Variants in GRIK2 observed in about 807,000 individuals in gnomAD.
GRIK2 encodes glutamate ionotropic receptor kainate type subunit 2, also known as glutamate receptor ionotropic, kainate 2.
In GRIK2, 32 loss-of-function variants were observed where a neutral mutation model predicts 100.3. The ratio of observed to expected loss-of-function variants is 0.32; its 90% confidence interval spans 0.24 to 0.43. GRIK2 has a LOEUF of 0.43. GRIK2 is among the 20% of genes least tolerant of loss of function. GRIK2 has a pLI of 1.00. For synonymous variants in GRIK2, 417 were observed against 389.4 expected, an observed-to-expected ratio of 1.07 and a Z score of -0.83; for missense variants, 843 against 1,114.9, an observed-to-expected ratio of 0.76 and a Z score of 3.47.
chr6:101,794,293 C>G (rs1358839727), intron 7 of GRIK2, among the ~76,000 whole-genome samples: 1 of 152,160 alleles, frequency 6.6e-6, no homozygotes, highest in Non-Finnish European at 1.5e-5. Context: ...AATCACCCCT[C>G]TTCTGCGTCG....
At chr6:101,939,261 C>T (rs1790806571) in intron 14 of GRIK2, among the ~76,000 whole-genome samples, 1 of 151,902 alleles carries the variant, frequency 6.6e-6, no homozygotes, top group Non-Finnish European at 1.5e-5. Context: ...TTTAATTTCT[C>T]TGGGTTTCTG....
chr6:101,547,199 C>G (rs1245860005), intron 2 of GRIK2, among the ~76,000 whole-genome samples: 1 of 152,150 alleles, frequency 6.6e-6, no homozygotes, highest in Admixed American at 6.5e-5. Context: ...AGTATTTCCC[C>G]TCTTTCTCCT....
intron 2 of GRIK2, among the ~76,000 whole-genome samples, chr6:101,592,196 A>G (rs982252086): frequency 1.9e-4 from 29 of 152,094 alleles, no homozygotes; most frequent in African/African-American, 6.0e-4. Context: ...TTCTTTATAA[A>G]TTACCATGCC....
intron 4 of GRIK2, among the ~76,000 whole-genome samples, chr6:101,630,372 T>C (rs1694240563): frequency 6.6e-6 from 1 of 152,110 alleles, no homozygotes; most frequent in South Asian, 2.1e-4. Context: ...CTCACCAACA[T>C]TTATTGTTTT....
chr6:101,742,801 G>A (rs1359267083), intron 7 of GRIK2, among the ~76,000 whole-genome samples: 1 of 152,124 alleles, frequency 6.6e-6, no homozygotes, highest in Non-Finnish European at 1.5e-5. Flanking sequence ...GCTGTAAAAT[G>A]TTTTTTATCA....
intron 10 of GRIK2, among the ~76,000 whole-genome samples, chr6:101,858,386 C>CTTTTTTTTTT (rs780526806): frequency 3.3e-5 from 3 of 91,654 alleles, no homozygotes; most frequent in Non-Finnish European, 6.9e-5. Context: ...ATTTTTTTTT[C>CTTTTTTTTTT]TTTTTTTTTT....
chr6:102,055,697 A>C, intron 16 of GRIK2, 117 bp downstream of exon 16: 1 of 686,972 alleles, frequency 1.5e-6, no homozygotes, highest in South Asian at 1.9e-5. Context: ...TATTGCTCTA[A>C]ATTGTCTTAT....
At chr6:101,420,734 T>C (rs1776372891) in intron 2 of GRIK2, among the ~76,000 whole-genome samples, 1 of 152,146 alleles carries the variant, frequency 6.6e-6, no homozygotes, top group South Asian at 2.1e-4. Context: ...AGAGCAGAAA[T>C]GGACATGCTT....
chr6:101,447,208 A>G (rs1349250636), intron 2 of GRIK2, among the ~76,000 whole-genome samples: 1 of 151,454 alleles, frequency 6.6e-6, no homozygotes, highest in Non-Finnish European at 1.5e-5. Flanking sequence ...AGAATCTTAG[A>G]GACTTGGAGG....
intron 7 of GRIK2, among the ~76,000 whole-genome samples, chr6:101,720,479 A>G (rs7770387): frequency 0.16 from 23,752 of 151,980 alleles, 2,469 homozygotes; most frequent in East Asian, 0.3. Flanking sequence ...TTAGATTTAA[A>G]TTAAAATGTG....
chr6:101,807,646 G>T (rs921588396), intron 9 of GRIK2, among the ~76,000 whole-genome samples: 4 of 151,866 alleles, frequency 2.6e-5, no homozygotes, highest in Non-Finnish European at 5.9e-5. Context: ...GTCTAACAAA[G>T]CAGGGCACCT....
intron 7 of GRIK2, among the ~76,000 whole-genome samples, chr6:101,790,466 A>G (rs996584854): frequency 1.3e-5 from 2 of 151,278 alleles, no homozygotes; most frequent in South Asian, 2.1e-4. Flanking sequence ...TGAGATAATC[A>G]TGTGGTTTTT....
chr6:101,561,313 T>A (rs1777000517), intron 2 of GRIK2, among the ~76,000 whole-genome samples: 1 of 151,310 alleles, frequency 6.6e-6, no homozygotes, highest in African/African-American at 2.4e-5. Flanking sequence ...TTTACAGAAT[T>A]GGGAGCTAAA....
chr6:101,586,011 T>C (rs1778338992), intron 2 of GRIK2, among the ~76,000 whole-genome samples: 1 of 151,752 alleles, frequency 6.6e-6, no homozygotes, highest in Admixed American at 6.6e-5. Flanking sequence ...AAGAGGGAGA[T>C]TAAAGCCAAC....
intron 14 of GRIK2, among the ~76,000 whole-genome samples, chr6:102,013,528 G>A (rs1339462354): frequency 5.9e-5 from 9 of 152,036 alleles, no homozygotes; most frequent in Non-Finnish European, 1.5e-5. Context: ...CAAGGGGAAT[G>A]CTTCCAGCTT....
At chr6:101,754,210 A>T (rs992618775) in intron 7 of GRIK2, among the ~76,000 whole-genome samples, 5 of 152,172 alleles carry the variant, frequency 3.3e-5, no homozygotes, top group Admixed American at 6.5e-5. Flanking sequence ...CTTAGTTGTA[A>T]AAGTATTCAT....
intron 4 of GRIK2, among the ~76,000 whole-genome samples, chr6:101,632,879 G>T (rs749211673): frequency 6.6e-6 from 1 of 152,046 alleles, no homozygotes; most frequent in African/African-American, 2.4e-5. Flanking sequence ...AGAAGAAGCT[G>T]CCTGGAAAGG....
At chr6:101,667,177 G>A (rs149667743) in intron 4 of GRIK2, among the ~76,000 whole-genome samples, 78 of 152,096 alleles carry the variant, frequency 5.1e-4, no homozygotes, top group Admixed American at 3.0e-3. Flanking sequence ...GGTTTCAGCC[G>A]CTCTCCATGA....
At chr6:101,802,292 C>T (rs763743614) in intron 8 of GRIK2, 39 bp from the exon 9 acceptor site, 2 of 806,258 alleles carry the variant, frequency 2.5e-6, no homozygotes, top group Non-Finnish European at 4.0e-6. Context: ...TTCCATCTTT[C>T]TTCACTTATT....
Sources: allele counts gnomAD v4.1 joint callset (sites outside exome capture counted in the v4.1 genomes callset), GRCh38; gene constraint gnomAD v4.1.1; transcripts MANE v1.5; gene names NCBI Gene and HGNC (gene_info 2026-07-23, HGNC 2026-07-21).